Variants in PIWIL2 observed in about 807,000 individuals in gnomAD.
PIWIL2 encodes the protein piwi like RNA-mediated gene silencing 2, also known as piwi-like protein 2.
Under a neutral mutation model 116.5 loss-of-function variants are expected in PIWIL2, and 81 were observed. The observed-to-expected ratio is 0.70, with a 90% CI of 0.58 to 0.84. The LOEUF (loss-of-function observed/expected upper bound fraction) is 0.84, where lower values mean the gene tolerates loss of function less well. Among genes scored for constraint, PIWIL2 ranks in the 40% least tolerant of loss-of-function variants. The probability of loss-of-function intolerance (pLI) is 0.00; values close to 1 mark genes in which losing one functional copy is unlikely to be tolerated. For missense variants in PIWIL2, 1,272 were observed against 1,212.3 expected, an observed-to-expected ratio of 1.05 and a Z score of -0.73; for synonymous variants, 489 against 429.5, an observed-to-expected ratio of 1.14 and a Z score of -1.71.
At chr8:22,332,978 ATATATTTGTCTG>A (rs778246604) in intron 20 of PIWIL2, among the ~76,000 whole-genome samples, 103 of 152,302 alleles carry the variant, frequency 6.8e-4, no homozygotes, top group Non-Finnish European at 4.1e-4. Context: ...TCATGTGGCT[ATATATTTGTCTG>A]TGCATATAAT....
chr8:22,300,885 TAAG>T (rs1213949951), intron 10 of PIWIL2, among the ~76,000 whole-genome samples: 1 of 152,246 alleles, frequency 6.6e-6, no homozygotes, highest in Non-Finnish European at 1.5e-5. Context: ...TCATTACATA[TAAG>T]AAGTACAGAT....
chr8:22,310,993 A>T, intron 15 of PIWIL2, 119 bp from the exon 16 acceptor site: 1 of 841,144 alleles, frequency 1.2e-6, no homozygotes, highest in Non-Finnish European at 1.9e-6. Context: ...CAGGAGTTAG[A>T]TAAGACAGGA....
At chr8:22,297,783 A>T (rs541378564) in intron 10 of PIWIL2, among the ~76,000 whole-genome samples, 10 of 152,288 alleles carry the variant, frequency 6.6e-5, no homozygotes, top group Non-Finnish European at 1.3e-4. Flanking sequence ...AAATTTTTAC[A>T]GTTGGGTTGC....
chr8:22,338,957 C>A (rs1832043258), intron 20 of PIWIL2, among the ~76,000 whole-genome samples: 1 of 152,114 alleles, frequency 6.6e-6, no homozygotes. Context: ...ATAAACAAGA[C>A]AGTGTGGTCA....
intron 16 of PIWIL2, among the ~76,000 whole-genome samples, chr8:22,313,129 C>A (rs1831372518): frequency 6.6e-6 from 1 of 152,188 alleles, no homozygotes; most frequent in East Asian, 1.9e-4. Flanking sequence ...TTTCATGTGG[C>A]ATGGATGTGA....
intron 20 of PIWIL2, among the ~76,000 whole-genome samples, chr8:22,343,141 A>G (rs1414055238): frequency 4.6e-5 from 7 of 151,930 alleles, no homozygotes; most frequent in Admixed American, 4.6e-4. Context: ...AGTGGCTCAC[A>G]CCTGTAATCC....
intron 10 of PIWIL2, among the ~76,000 whole-genome samples, chr8:22,296,677 C>A (rs1830915540): frequency 6.6e-6 from 1 of 152,188 alleles, no homozygotes; most frequent in Admixed American, 6.5e-5. Flanking sequence ...ATTCCAGAAT[C>A]TTTGTATGTC....
chr8:22,319,204 T>A (rs9987191), intron 20 of PIWIL2, among the ~76,000 whole-genome samples: 1 of 152,214 alleles, frequency 6.6e-6, no homozygotes, highest in Non-Finnish European at 1.5e-5. Flanking sequence ...TTTCATATGA[T>A]TGAACTCAGT....
At chr8:22,277,568 CGTT>C (rs1027428207) in intron 1 of PIWIL2, among the ~76,000 whole-genome samples, 4 of 151,858 alleles carry the variant, frequency 2.6e-5, no homozygotes, top group East Asian at 1.9e-4. Context: ...GACAGGGTCT[CGTT>C]GTGTTCCTAA....
rs577927023 is a variant in PIWIL2, at chr8:22,343,789, G to A, written c.2404-9170G>A. 1.3e-4 allele frequency among the ~76,000 whole-genome samples: 20 copies of A among 152,320 alleles called. 1 individual carries two copies. The East Asian group carries it at 3.5e-3, about 26-fold the overall frequency. On this transcript the variant is annotated intron_variant, in intron 20 of 22. Transcript: ENST00000356766. ...AGGAACGCTCACTCACGGCTGGTGA[G>A]AATGGAAATGGTACAACCACTTTGC...
At chr8:22,280,392 A>G (rs1040974803) in intron 2 of PIWIL2, among the ~76,000 whole-genome samples, 13 of 152,356 alleles carry the variant, frequency 8.5e-5, no homozygotes, top group Admixed American at 4.6e-4. Context: ...ACTTTTAATT[A>G]TAAAGTAATT....
intron 13 of PIWIL2, among the ~76,000 whole-genome samples, chr8:22,307,473 A>AATTTTTTTTTTTTTTTTTTTTTT (rs1563379262): frequency 9.0e-6 from 1 of 111,258 alleles, no homozygotes. Flanking sequence ...TTTATTATTC[A>AATTTTTTTTTTTTTTTTTTTTTT]TTTTTTTTTT....
intron 11 of PIWIL2, among the ~76,000 whole-genome samples, 183 bp downstream of exon 11, chr8:22,304,392 A>G (rs1306195542): frequency 6.6e-6 from 1 of 152,190 alleles, no homozygotes; most frequent in South Asian, 2.1e-4. Flanking sequence ...CTACCATTAT[A>G]TCTTCAATTA....
intron 20 of PIWIL2, among the ~76,000 whole-genome samples, chr8:22,335,047 T>C (rs1831948210): frequency 1.5e-5 from 2 of 132,610 alleles, no homozygotes; most frequent in South Asian, 5.5e-4. Flanking sequence ...AGAGTGAGAC[T>C]CTTGTCTCAA....
chr8:22,303,183 G>T (rs549023713), intron 10 of PIWIL2, among the ~76,000 whole-genome samples: 1 of 152,266 alleles, frequency 6.6e-6, no homozygotes, highest in East Asian at 1.9e-4. Flanking sequence ...CAACAGTTTG[G>T]TATCTGATTG....
Position 22,283,213 on chromosome 8 carries a change from T to G in PIWIL2, c.605T>G (p.Leu202Arg). The stretch of plus-strand genomic sequence containing the variant: ...CCCCTGCACTCTCCAGATCGCCCTC[T>G]GGTCCTGACTGTGGAACACAAGGAA... ...QSPLHSPDRP[L>R]VLTVEHKEKE... The change falls in exon 5 of 23, where the codon CTG (leucine) becomes CGG (arginine). Residue 202 changes from leucine (L) to arginine (R), a missense_variant. Leu to Arg is a moderately radical substitution (Grantham distance 102, BLOSUM62 -2). Coordinates refer to ENST00000356766, the MANE Select transcript of PIWIL2 (RefSeq NM_018068.5). 1 of 1,614,096 alleles carries G rather than the reference T, an allele frequency of 6.2e-7. No homozygotes were observed. The highest frequency in any genetic ancestry group is 8.5e-7 in the Non-Finnish European group (1 of 1,179,996).
At chr8:22,347,130 ATT>A (rs970956689) in intron 20 of PIWIL2, among the ~76,000 whole-genome samples, 14 of 149,138 alleles carry the variant, frequency 9.4e-5, no homozygotes, top group African/African-American at 3.5e-4. Context: ...TCATCACACC[ATT>A]TTACTCCAGC....
At chr8:22,343,260 C>T (rs958097373) in intron 20 of PIWIL2, among the ~76,000 whole-genome samples, 7 of 152,126 alleles carry the variant, frequency 4.6e-5, no homozygotes, top group Admixed American at 3.9e-4. Flanking sequence ...CAAAATTAGC[C>T]GGGTGTGGTG....
intron 16 of PIWIL2, among the ~76,000 whole-genome samples, 188 bp from the exon 17 acceptor site, chr8:22,314,140 G>C (rs576511327): frequency 6.6e-6 from 1 of 152,252 alleles, no homozygotes; most frequent in East Asian, 1.9e-4. Context: ...GAACAGCCCT[G>C]AGCCAAAGAA....
Sources: allele counts gnomAD v4.1 joint callset (sites outside exome capture counted in the v4.1 genomes callset), GRCh38; gene constraint gnomAD v4.1.1; transcripts MANE v1.5; gene names NCBI Gene and HGNC (gene_info 2026-07-23, HGNC 2026-07-21).